Variants in TOP2B observed in about 807,000 individuals in gnomAD.
The protein encoded by TOP2B is DNA topoisomerase II beta, also known as DNA topoisomerase 2-beta.
Under a neutral mutation model 193.5 loss-of-function variants are expected in TOP2B, and 51 were observed. That is an observed-to-expected ratio of 0.26 (90% confidence interval 0.21 to 0.33). TOP2B has a LOEUF of 0.33. Among genes scored for constraint, TOP2B ranks in the 10% least tolerant of loss-of-function variants. TOP2B has a pLI of 1.00. For missense variants in TOP2B, 1,378 were observed against 1,909.3 expected, an observed-to-expected ratio of 0.72 and a Z score of 5.19; for synonymous variants, 634 against 635.7, an observed-to-expected ratio of 1.00 and a Z score of 0.04.
chr3:25,605,603 C>A (rs1352519387), intron 32 of TOP2B, among the ~76,000 whole-genome samples: 1 of 152,018 alleles, frequency 6.6e-6, no homozygotes, highest in Admixed American at 6.6e-5. Flanking sequence ...AAGAAGTATA[C>A]ACACTGATTA....
At chr3:25,618,386 T>G in intron 25 of TOP2B, 32 bp downstream of exon 25, 2 of 1,539,350 alleles carry the variant, frequency 1.3e-6, no homozygotes, top group Non-Finnish European at 1.8e-6. Flanking sequence ...TTTTAAAAGC[T>G]TCTCTGAATG....
rs1212091493 is a variant in TOP2B at position 25,615,563 on chromosome 3, T to G, written c.3375A>C (p.Gln1125His). ...CGGAGGAACTATCATCATGCTGGTT[T>G]TGTGTTTCATCCTCTTCTGCTGCCT... is the stretch of plus-strand genomic sequence containing the variant. ...QEKAAEEDETQNQHDDSSSDS... is the reference protein window; with the variant it reads ...QEKAAEEDETHNQHDDSSSDS... The change falls in exon 26 of 36, where the codon CAA becomes CAC. Residue 1125 changes from glutamine to histidine, a missense_variant. Physicochemically the swap from Gln to His is conservative, Grantham distance 24. This residue lies in a region of TOP2B where 556 missense variants were observed against 584.2 expected (regional missense o/e 0.95). Coordinates refer to ENST00000264331, the MANE Select transcript of TOP2B (RefSeq NM_001330700.2). 1.3e-6 allele frequency: 2 copies of G among 1,566,222 alleles called. No homozygotes were observed. Among genetic ancestry groups the G allele is most frequent in the East Asian group, 4.6e-5 (2 of 43,050 alleles).
At chr3:25,639,964 G>T (rs983933265) in intron 4 of TOP2B, among the ~76,000 whole-genome samples, 9 of 152,100 alleles carry the variant, frequency 5.9e-5, no homozygotes, top group African/African-American at 2.2e-4. Context: ...ATAAAAATCT[G>T]CTATACAAAA....
chr3:25,664,365 G>T lies in TOP2B; in HGVS notation c.-68C>A. ...GCTCCCGCCTCCCTGCGGGCCGCTG[G>T]GCCCCGCCGCTCCGCACCCACCGCT... On this transcript the variant is annotated 5_prime_UTR_variant, in exon 1 of 36. Transcript: ENST00000264331. 7.2e-7 allele frequency: 1 copy of T among 1,384,854 alleles called. No homozygotes were observed. The highest frequency in any genetic ancestry group is 9.2e-7 in the Non-Finnish European group (1 of 1,081,224). The allele number at this position is 1,384,854 out of a possible 1,614,324, so 85.8% of individuals were successfully genotyped here.
intron 1 of TOP2B, among the ~76,000 whole-genome samples, chr3:25,646,351 C>A (rs1703415444): frequency 6.6e-6 from 1 of 152,160 alleles, no homozygotes; most frequent in Non-Finnish European, 1.5e-5. Flanking sequence ...CACATATCAG[C>A]TCTGGGTGTC....
At chr3:25,633,336 G>A (rs149179443) in intron 8 of TOP2B, among the ~76,000 whole-genome samples, 521 of 152,224 alleles carry the variant, frequency 3.4e-3, no homozygotes, top group Middle Eastern at 6.8e-3. Context: ...TAGCCAAATG[G>A]AAGAGATGCA....
chr3:25,643,628 T>C (rs1703326364), intron 3 of TOP2B, 66 bp downstream of exon 3: 1 of 1,219,124 alleles, frequency 8.2e-7, no homozygotes, highest in East Asian at 2.3e-5. Context: ...AGTCTGGCTT[T>C]ATATATAAAA....
At chr3:25,639,646 T>C (rs550140180) in intron 4 of TOP2B, among the ~76,000 whole-genome samples, 3 of 152,344 alleles carry the variant, frequency 2.0e-5, no homozygotes, top group South Asian at 4.1e-4. Context: ...CACAAATAAA[T>C]TGTTTCAATA....
intron 28 of TOP2B, among the ~76,000 whole-genome samples, chr3:25,611,543 A>T (rs1575564518): frequency 6.6e-6 from 1 of 152,160 alleles, no homozygotes; most frequent in East Asian, 1.9e-4. Context: ...TACTTTCTGG[A>T]TTGTAAAAAT....
At chr3:25,604,100 T>C (rs1011455919) in intron 33 of TOP2B, among the ~76,000 whole-genome samples, 9 of 152,240 alleles carry the variant, frequency 5.9e-5, no homozygotes, top group African/African-American at 2.2e-4. Context: ...TCAATACATG[T>C]GTCTGTAATG....
In TOP2B at chr3:25,630,860, G is replaced by A; in HGVS notation, c.1346C>T (p.Ser449Leu). The change falls in exon 11 of 36, where the codon TCA becomes TTA. Residue 449 changes from serine to leucine, a missense_variant. By Grantham distance (145) the Ser-to-Leu change is moderately radical. Around this residue, in one of 9 missense-constraint regions of TOP2B, gnomAD observed 66 missense variants for 153.3 expected, o/e 0.43. Transcript: ENST00000264331. ...KAQTQLNKKC[S>L]SVKYSKIKGI... is the part of the protein sequence containing the mutation. ...TTTGATTTTACTGTATTTTACTGAT[G>A]AACACTTCTTATTCAGCTGAGTCTG... The A allele has an allele frequency of 6.2e-7, 1 of 1,604,232 alleles. No homozygotes were observed. The highest frequency in any genetic ancestry group is 8.5e-7 in the Non-Finnish European group (1 of 1,175,684).
At chr3:25,663,347 T>G (rs1477923938) in intron 1 of TOP2B, among the ~76,000 whole-genome samples, 1 of 152,198 alleles carries the variant, frequency 6.6e-6, no homozygotes, top group African/African-American at 2.4e-5. Context: ...AATGTAACAC[T>G]TTTTACTTTT....
At position 25,598,150 on chromosome 3, in the gene TOP2B, G is replaced by A. The variant is rs1701966855; in HGVS notation, c.*157C>T. The A allele has an allele frequency of 5.7e-6, 4 of 697,006 alleles. No individual in the cohort carries two copies. The highest frequency in any genetic ancestry group is 9.2e-6 in the Non-Finnish European group (4 of 436,220). The allele number at this position is 697,006 out of a possible 1,614,324, so 43.2% of individuals were successfully genotyped here. ...AGTAAAAAAGAGCATAAAACTGTATGTGTAAGAACAAAATGTTAAAAGGCC... is the reference window on the plus strand; with the variant it reads ...AGTAAAAAAGAGCATAAAACTGTATATGTAAGAACAAAATGTTAAAAGGCC... On this transcript the variant is annotated 3_prime_UTR_variant, in exon 36 of 36. Transcript: ENST00000264331.
chr3:25,634,778 C>CAAAAAAAA (rs34755793), intron 7 of TOP2B, among the ~76,000 whole-genome samples: 2 of 26,552 alleles, frequency 7.5e-5, no homozygotes, highest in African/African-American at 2.4e-4. Flanking sequence ...TCTCCCTTAC[C>CAAAAAAAA]AAAAAAAAAA....
In TOP2B at chr3:25,598,268, C is replaced by CAAGAT. The variant is rs777284809; in HGVS notation, c.*34_*38dup. On this transcript the variant is annotated 3_prime_UTR_variant, in exon 36 of 36. Transcript: ENST00000264331. ...AGACAGAGAAGACAAAAGGACAACACAAGATATTTGTTGAAAAATGTTTGT... is the reference window on the plus strand; with the variant it reads ...AGACAGAGAAGACAAAAGGACAACACAAGATAAGATATTTGTTGAAAAATGTTTGT... The CAAGAT allele has an allele frequency of 5.1e-6, 8 of 1,564,878 alleles. No individual in the cohort carries two copies. In the South Asian group the frequency reaches 6.0e-5, roughly 12 times the overall value.
chr3:25,624,618 G>A (rs1702746595), intron 19 of TOP2B, 64 bp downstream of exon 19: 1 of 1,589,034 alleles, frequency 6.3e-7, no homozygotes, highest in African/African-American at 1.4e-5. Flanking sequence ...AAAATACTAT[G>A]TGTAATTATC....
At position 25,651,250 on chromosome 3, in the gene TOP2B, G is replaced by A. The variant is rs544224722; in HGVS notation, c.70-5780C>T. 3.6e-4 allele frequency among the ~76,000 whole-genome samples: 55 copies of A among 151,966 alleles called. 1 individual carries two copies. Among genetic ancestry groups the A allele is most frequent in the African/African-American group, 1.3e-3 (53 of 41,476 alleles). On this transcript the variant is annotated intron_variant, in intron 1 of 35. Coordinates refer to ENST00000264331, the MANE Select transcript of TOP2B (RefSeq NM_001330700.2). ...TAAAATATACACAATATAAAAAGAG[G>A]TAAAGTATCATCAAAAACAAAGCAG...
At chr3:25,602,591 CAGGA>C (rs953861021) in intron 33 of TOP2B, among the ~76,000 whole-genome samples, 8 of 151,856 alleles carry the variant, frequency 5.3e-5, no homozygotes, top group African/African-American at 1.9e-4. Flanking sequence ...TAGCCAAGAG[CAGGA>C]GGAGCCCTAG....
chr3:25,609,780 C>G (rs1702323712), intron 28 of TOP2B, 68 bp from the exon 29 acceptor site: 2 of 1,386,444 alleles, frequency 1.4e-6, no homozygotes, highest in Admixed American at 3.4e-5. Flanking sequence ...GAGATAGTTT[C>G]AATCAACAGA....
Sources: allele counts gnomAD v4.1 joint callset (sites outside exome capture counted in the v4.1 genomes callset), GRCh38; gene constraint gnomAD v4.1.1; regional missense constraint gnomAD v4.1.1; transcripts MANE v1.5; gene names NCBI Gene and HGNC (gene_info 2026-07-23, HGNC 2026-07-21).